The following ANKRD44 variants were observed in gnomAD, a reference collection of about 807,000 sequenced individuals.
ANKRD44 encodes serine/threonine-protein phosphatase 6 regulatory ankyrin repeat subunit B.
In ANKRD44, 35 loss-of-function variants were observed where a neutral mutation model predicts 116.0. That is an observed-to-expected ratio of 0.30 (90% CI 0.23 to 0.40). The LOEUF is 0.40. Among genes scored for constraint, ANKRD44 ranks in the 10% least tolerant of loss-of-function variants. The probability of loss-of-function intolerance (pLI) is 1.00; values close to 1 mark genes in which losing one functional copy is unlikely to be tolerated. For synonymous variants in ANKRD44, 435 were observed against 461.8 expected (o/e 0.94, Z 0.74); for missense variants, 1,014 against 1,242.6 (o/e 0.82, Z 2.77).
chr2:197,015,661 T>G, intron 17 of ANKRD44: 1 of 551,362 alleles, frequency 1.8e-6, no homozygotes, highest in South Asian at 2.0e-5. Flanking sequence ...CAGAGGTAGT[T>G]ATGGAGGAGG....
chr2:197,176,008 TAAAG>T (rs1339642490), intron 2 of ANKRD44, among the ~76,000 whole-genome samples: 3 of 152,140 alleles, frequency 2.0e-5, no homozygotes, highest in Non-Finnish European at 4.4e-5. Context: ...GAAGTGTCCT[TAAAG>T]AGGGAGGGCA....
At chr2:197,283,767 T>G (rs1214623113) in intron 1 of ANKRD44, among the ~76,000 whole-genome samples, 2 of 152,196 alleles carry the variant, frequency 1.3e-5, no homozygotes, top group African/African-American at 4.8e-5. Flanking sequence ...TGCAATCATG[T>G]TTGTAGCATA....
At chr2:196,996,893 ACT>A (rs2076022609) in intron 25 of ANKRD44, among the ~76,000 whole-genome samples, 1 of 110,666 alleles carries the variant, frequency 9.0e-6, no homozygotes, top group African/African-American at 3.5e-5. Context: ...AACAAGTAAG[ACT>A]CTGCCTCAAA....
intron 4 of ANKRD44, among the ~76,000 whole-genome samples, chr2:197,128,338 C>T (rs1199183682): frequency 6.6e-6 from 1 of 152,146 alleles, no homozygotes; most frequent in African/African-American, 2.4e-5. Context: ...GCCATTCTGA[C>T]TGGTGTGAGA....
At chr2:196,973,311 T>A (rs1394707112) in intron 21 of ANKRD44, among the ~76,000 whole-genome samples, 1 of 152,108 alleles carries the variant, frequency 6.6e-6, no homozygotes, top group Admixed American at 6.5e-5. Context: ...TATCACTTTA[T>A]ACAATCTCTT....
chr2:197,272,450 C>A (rs767821856), intron 1 of ANKRD44, among the ~76,000 whole-genome samples: 22 of 152,106 alleles, frequency 1.4e-4, no homozygotes, highest in Admixed American at 2.0e-4. Flanking sequence ...GTTGGTCAGG[C>A]TGGTCTTGAA....
At position 197,125,480 on chromosome 2, in the gene ANKRD44, C is replaced by A. The variant is rs1007485272; in HGVS notation, c.463-12G>T. The A allele has an allele frequency of 6.2e-7, 1 of 1,610,874 alleles. No individual in the cohort carries two copies. The highest frequency in any genetic ancestry group is 1.3e-5 in the African/African-American group (1 of 74,842). On this transcript the variant is annotated splice_polypyrimidine_tract_variant and intron_variant, in intron 5 of 27. Transcript: ENST00000282272. ...AGTAAATTGACCATCTGAAAGATAACCAACAATGAAATCAAGCATACATTC... is the reference window on the plus strand; with the variant it reads ...AGTAAATTGACCATCTGAAAGATAAACAACAATGAAATCAAGCATACATTC...
At chr2:197,015,924 G>T in intron 17 of ANKRD44, 1 of 530,670 alleles carries the variant, frequency 1.9e-6, no homozygotes, top group Admixed American at 2.1e-5. Flanking sequence ...CCATGAAAGG[G>T]GGTAGTTTTG....
At chr2:197,166,627 C>A (rs1437257026) in intron 2 of ANKRD44, among the ~76,000 whole-genome samples, 1 of 152,080 alleles carries the variant, frequency 6.6e-6, no homozygotes, top group Non-Finnish European at 1.5e-5. Context: ...TAAACATATG[C>A]CAGAACCTGC....
chr2:197,256,675 A>G (rs1051931387), intron 1 of ANKRD44, among the ~76,000 whole-genome samples: 1 of 152,212 alleles, frequency 6.6e-6, no homozygotes, highest in African/African-American at 2.4e-5. Flanking sequence ...AAATACATTA[A>G]TCCCCCTTAG....
chr2:197,086,307 A>G (rs569432164), intron 13 of ANKRD44, among the ~76,000 whole-genome samples: 1 of 152,316 alleles, frequency 6.6e-6, no homozygotes, highest in South Asian at 2.1e-4. Context: ...CTGAAAATTC[A>G]TCCCAAGATG....
chr2:197,299,739 G>A (rs762503219), intron 1 of ANKRD44, among the ~76,000 whole-genome samples: 6 of 152,184 alleles, frequency 3.9e-5, no homozygotes, highest in Non-Finnish European at 7.3e-5. Flanking sequence ...TTCTTTAGTG[G>A]TGACAGGTGC....
chr2:197,019,136 A>C (rs896356312), intron 17 of ANKRD44, among the ~76,000 whole-genome samples: 1 of 152,232 alleles, frequency 6.6e-6, no homozygotes, highest in Non-Finnish European at 1.5e-5. Flanking sequence ...AGAAACCTAA[A>C]CCCTTTCTAT....
intron 16 of ANKRD44, among the ~76,000 whole-genome samples, chr2:197,055,765 C>T (rs1411252214): frequency 6.6e-6 from 1 of 151,790 alleles, no homozygotes; most frequent in African/African-American, 2.4e-5. Context: ...TTTCAACTCC[C>T]TATTCTGTTC....
At chr2:197,062,364 C>T (rs79422761) in intron 16 of ANKRD44, among the ~76,000 whole-genome samples, 30 of 152,324 alleles carry the variant, frequency 2.0e-4, no homozygotes, top group Non-Finnish European at 4.1e-4. Context: ...AGAGAGGATA[C>T]ATGAGGTTAT....
intron 2 of ANKRD44, among the ~76,000 whole-genome samples, chr2:197,147,425 G>C: frequency 1.8e-5 from 1 of 54,622 alleles, no homozygotes; most frequent in South Asian, 8.8e-4. Flanking sequence ...CCTTCAGGAT[G>C]GTTAAAAAAA....
At chr2:197,024,111 T>C (rs2076546657) in intron 17 of ANKRD44, among the ~76,000 whole-genome samples, 1 of 152,158 alleles carries the variant, frequency 6.6e-6, no homozygotes, top group South Asian at 2.1e-4. Context: ...GATGGCCTTG[T>C]CTCCGCTCTC....
At chr2:197,159,573 A>C in intron 2 of ANKRD44, among the ~76,000 whole-genome samples, 1 of 152,264 alleles carries the variant, frequency 6.6e-6, no homozygotes, top group East Asian at 1.9e-4. Flanking sequence ...TTCCTGTCCA[A>C]AGACTTCAAT....
intron 1 of ANKRD44, among the ~76,000 whole-genome samples, chr2:197,249,258 G>A (rs1253722630): frequency 6.6e-6 from 1 of 150,952 alleles, no homozygotes; most frequent in Non-Finnish European, 1.5e-5. Context: ...GGGCAACAGA[G>A]TGAGACCTTG....
Sources: allele counts gnomAD v4.1 joint callset (sites outside exome capture counted in the v4.1 genomes callset), GRCh38; gene constraint gnomAD v4.1.1; transcripts MANE v1.5; gene names NCBI Gene and HGNC (gene_info 2026-07-23, HGNC 2026-07-21).